Variants in AFF2 observed in about 807,000 individuals in gnomAD.
AFF2 encodes the protein ALF transcription elongation factor 2.
AFF2 carries 14 observed loss-of-function variants against 76.9 expected under a neutral mutation model. That is an observed-to-expected ratio of 0.18 (90% CI 0.12 to 0.28). The LOEUF is 0.28. Among genes scored for constraint, AFF2 ranks in the 10% least tolerant of loss-of-function variants. The pLI is 1.00. For synonymous variants in AFF2, 398 were observed against 366.7 expected, an observed-to-expected ratio of 1.09 and a Z score of -0.98; for missense variants, 868 against 1,001.1, an observed-to-expected ratio of 0.87 and a Z score of 1.79.
At chrX:148,896,565 G>A (rs2071286827) in intron 8 of AFF2, among the ~76,000 whole-genome samples, 1 of 111,788 alleles carries the variant, frequency 8.9e-6, no homozygotes, top group African/African-American at 3.2e-5. Context: ...AACAGATACA[G>A]TATTTGGAGA....
intron 7 of AFF2, among the ~76,000 whole-genome samples, chrX:148,882,773 G>T (rs1469707757): frequency 1.8e-5 from 2 of 111,864 alleles, no homozygotes; most frequent in Non-Finnish European, 3.8e-5. Flanking sequence ...ATTAGCCAAG[G>T]ATGAAAATGC....
At chrX:148,907,968 C>T (rs1204499422) in intron 9 of AFF2, among the ~76,000 whole-genome samples, 5 of 111,229 alleles carry the variant, frequency 4.5e-5, no homozygotes, top group Admixed American at 9.5e-5. Context: ...TTCTCTTTCT[C>T]GGGGATGTCC....
At chrX:148,608,912 G>A (rs1174243828) in intron 1 of AFF2, among the ~76,000 whole-genome samples, 2 of 111,709 alleles carry the variant, frequency 1.8e-5, no homozygotes, top group East Asian at 5.6e-4. Context: ...GTGCACTTAA[G>A]TTTCCATTAA....
At chrX:148,613,517 G>A (rs1183099003) in intron 1 of AFF2, among the ~76,000 whole-genome samples, 1 of 111,617 alleles carries the variant, frequency 9.0e-6, no homozygotes, top group Non-Finnish European at 1.9e-5. Context: ...GAGACATTTA[G>A]ATGTATACTC....
intron 3 of AFF2, among the ~76,000 whole-genome samples, chrX:148,670,302 G>A (rs375698449): frequency 6.3e-5 from 7 of 111,524 alleles, no homozygotes; most frequent in African/African-American, 2.3e-4. Flanking sequence ...ACACATAGAG[G>A]TAACCAGGGA....
chrX:148,793,127 A>G (rs782215993), intron 3 of AFF2, among the ~76,000 whole-genome samples: 1 of 111,017 alleles, frequency 9.0e-6, no homozygotes, highest in African/African-American at 3.3e-5. Flanking sequence ...CCTCCTACAC[A>G]CTAGCTAACC....
intron 7 of AFF2, among the ~76,000 whole-genome samples, chrX:148,871,420 C>A (rs1180400136): frequency 9.0e-6 from 1 of 111,389 alleles, no homozygotes; most frequent in Non-Finnish European, 1.9e-5. Context: ...CTCTGACCAG[C>A]AAGAATGGAC....
intron 13 of AFF2, among the ~76,000 whole-genome samples, chrX:148,966,068 T>C (rs1454053284): frequency 1.8e-5 from 2 of 111,640 alleles, no homozygotes; most frequent in Non-Finnish European, 3.8e-5. Flanking sequence ...GCAATGACAG[T>C]TCAAAGCAAA....
At chrX:148,938,574 G>C (rs1265208826) in intron 9 of AFF2, among the ~76,000 whole-genome samples, 1 of 112,008 alleles carries the variant, frequency 8.9e-6, no homozygotes, top group Non-Finnish European at 1.9e-5. Context: ...AGTTGCTTTG[G>C]TCTCCTCTTA....
At chrX:148,971,004 A>G (rs1283826553) in intron 15 of AFF2, among the ~76,000 whole-genome samples, 2 of 111,586 alleles carry the variant, frequency 1.8e-5, no homozygotes, top group Non-Finnish European at 3.8e-5. Flanking sequence ...CAGGTCCACC[A>G]AAAAGATAGC....
chrX:148,565,682 C>G (rs1258839078), intron 1 of AFF2, among the ~76,000 whole-genome samples: 2 of 111,104 alleles, frequency 1.8e-5, no homozygotes, highest in African/African-American at 6.5e-5. Flanking sequence ...ATCATTTGAT[C>G]ACAATTATTT....
chrX:148,650,532 A>G (rs2054192940), intron 1 of AFF2, among the ~76,000 whole-genome samples: 1 of 111,943 alleles, frequency 8.9e-6, no homozygotes, highest in Admixed American at 9.5e-5. Flanking sequence ...AATGTATCTG[A>G]CGTTTGTATT....
At chrX:148,743,262 A>C (rs781981306) in intron 3 of AFF2, among the ~76,000 whole-genome samples, 36 of 112,217 alleles carry the variant, frequency 3.2e-4, no homozygotes, top group Non-Finnish European at 6.2e-4. Context: ...AATGAGTAAC[A>C]ATATTTGTCA....
At chrX:148,589,329 C>T (rs1159895670) in intron 1 of AFF2, among the ~76,000 whole-genome samples, 11 of 111,626 alleles carry the variant, frequency 9.9e-5, no homozygotes, top group Non-Finnish European at 1.9e-4. Flanking sequence ...AGGGCTACTA[C>T]ATGCAGCATT....
intron 12 of AFF2, among the ~76,000 whole-genome samples, chrX:148,959,259 C>T (rs1439594996): frequency 8.9e-6 from 1 of 111,989 alleles, no homozygotes; most frequent in African/African-American, 3.2e-5. Context: ...TTATTTCTGT[C>T]TTATAAATAT....
chrX:148,523,926 G>T (rs782655333), intron 1 of AFF2, among the ~76,000 whole-genome samples: 2 of 111,090 alleles, frequency 1.8e-5, no homozygotes, highest in Non-Finnish European at 3.8e-5. Context: ...ACTTGGAAAG[G>T]CACCCACTCC....
At position 148,994,729 on chromosome X, in the gene AFF2, A is replaced by G. The variant is rs1217012518; in HGVS notation, c.*3397A>G. 8.9e-6 allele frequency: 1 copy of G among 112,535 alleles called. No individual in the cohort carries two copies. The highest frequency in any genetic ancestry group is 9.4e-5 in the Admixed American group (1 of 10,676). The allele number at this position is 112,535 out of a possible 1,213,427, so 9.3% of individuals were successfully genotyped here. On this transcript the variant is annotated 3_prime_UTR_variant, in exon 21 of 21. Coordinates refer to ENST00000370460, the MANE Select transcript of AFF2 (RefSeq NM_002025.4). Reference sequence around the variant, plus strand: ...CATTGGAAAGATACTCTTCTAGCATATCTTTCCCAAAGATATCTAATTTGG... The same window carrying G: ...CATTGGAAAGATACTCTTCTAGCATGTCTTTCCCAAAGATATCTAATTTGG...
intron 4 of AFF2, among the ~76,000 whole-genome samples, chrX:148,811,273 G>GA (rs1557271784): frequency 2.7e-5 from 3 of 111,062 alleles, no homozygotes; most frequent in African/African-American, 9.8e-5. Flanking sequence ...CTCATCTGCG[G>GA]AAAAATTGTC....
intron 4 of AFF2, among the ~76,000 whole-genome samples, chrX:148,815,174 T>C (rs781878474): frequency 8.9e-6 from 1 of 111,753 alleles, no homozygotes; most frequent in South Asian, 3.7e-4. Context: ...AGAAAGACAA[T>C]TCCTAAATAT....
Sources: allele counts gnomAD v4.1 joint callset (sites outside exome capture counted in the v4.1 genomes callset), GRCh38; gene constraint gnomAD v4.1.1; transcripts MANE v1.5; gene names NCBI Gene and HGNC (gene_info 2026-07-23, HGNC 2026-07-21).